PDX1: variants seen among roughly 807,000 people sequenced by gnomAD.
PDX1 encodes pancreas/duodenum homeobox protein 1.
In PDX1, 7 loss-of-function variants were observed where a neutral mutation model predicts 11.1. The observed-to-expected ratio is 0.63, with a 90% CI of 0.36 to 1.19. PDX1 has a LOEUF of 1.19. PDX1 is among the 50% of genes most tolerant of loss of function. The pLI is 0.02. For missense variants in PDX1, 449 were observed against 412.1 expected, an observed-to-expected ratio of 1.09 and a Z score of -0.78; for synonymous variants, 232 against 196.2, an observed-to-expected ratio of 1.18 and a Z score of -1.53.
chr13:27,921,672 G>A (rs1262556756), intron 1 of PDX1, among the ~76,000 whole-genome samples: 2 of 152,216 alleles, frequency 1.3e-5, no homozygotes, highest in Non-Finnish European at 2.9e-5. Flanking sequence ...CTGACCCCAG[G>A]CGCAGCCAGG....
In PDX1 at chr13:27,924,104, A is replaced by T; in HGVS notation, c.407-152A>T. 4.8e-6 allele frequency: 3 copies of T among 626,542 alleles called. No individual in the cohort carries two copies. Among genetic ancestry groups the T allele is most frequent in the South Asian group, 2.3e-5 (1 of 44,006 alleles). The allele number at this position is 626,542 out of a possible 1,614,324, so 38.8% of individuals were successfully genotyped here. ...GGGAAGAGCTTCGCGCGCCTACACT[A>T]GGCGCTGAAATGGGATGCTGGGGCT... On this transcript the variant is annotated intron_variant, in intron 1 of 1. Transcript: ENST00000381033. The surrounding 1 kb of genome is among the most constrained non-coding windows in gnomAD (Gnocchi z 4.8).
chr13:27,923,046 C>A (rs897102104), intron 1 of PDX1, among the ~76,000 whole-genome samples: 1 of 152,226 alleles, frequency 6.6e-6, no homozygotes. Context: ...CACACACACT[C>A]GCCTTTCAAT....
At position 27,924,515 on chromosome 13, in the gene PDX1, G is replaced by A; in HGVS notation, c.666G>A (p.Glu222=). The A allele has an allele frequency of 2.5e-6, 4 of 1,609,258 alleles. No homozygotes were observed. The highest frequency in any genetic ancestry group is 3.4e-6 in the Non-Finnish European group (4 of 1,178,594). The change falls in exon 2 of 2, where the codon GAG becomes GAA. Residue 222 remains glutamate (E), a synonymous_variant. Coordinates refer to ENST00000381033, the MANE Select transcript of PDX1 (RefSeq NM_000209.4). The surrounding 1 kb of genome is among the most constrained non-coding windows in gnomAD (Gnocchi z 4.8). Reference sequence around the variant, plus strand: ...CTGTCGGGGGTGGCGGGGTCGCGGAGCCTGAGCAGGACTGCGCCGTGACCT... The same window carrying A: ...CTGTCGGGGGTGGCGGGGTCGCGGAACCTGAGCAGGACTGCGCCGTGACCT... ...GTAVGGGGVA[E]PEQDCAVTSG...
At chr13:27,920,663 A>G (rs1394718606) in intron 1 of PDX1, 119 bp downstream of exon 1, 14 of 1,044,382 alleles carry the variant, frequency 1.3e-5, no homozygotes, top group Non-Finnish European at 2.1e-5. Context: ...GGGTCGGACT[A>G]AACTACATCA....
chr13:27,925,329 CT>C lies in PDX1; in HGVS notation c.*631del. 1 of 149,074 alleles carries C rather than the reference CT, an allele frequency of 6.7e-6. No individual in the cohort carries two copies. The highest frequency in any genetic ancestry group is 1.4e-5 in the Non-Finnish European group (1 of 71,608). 9.2% of individuals were successfully genotyped at this position (149,074 alleles called of 1,614,324 possible). On this transcript the variant is annotated 3_prime_UTR_variant, in exon 2 of 2. Coordinates refer to ENST00000381033, the MANE Select transcript of PDX1 (RefSeq NM_000209.4). ...TCCTCTTCCTCTTCCTCCTGCTCTC[CT>C]TTCCTCCCCCTCCTCTTTTCCCTCC... is the stretch of plus-strand genomic sequence containing the variant.
chr13:27,924,275 G>A lies in PDX1; in HGVS notation c.426G>A (p.Glu142=). ...CCGCAGGCGGCGCCTACGCTGCGGA[G>A]CCGGAGGAGAACAAGCGGACGCGCA... ...GQWAGGAYAA[E]PEENKRTRTA... Residue 142 remains glutamate, a synonymous_variant, in exon 2 of 2, where the codon GAG becomes GAA. Transcript: ENST00000381033. This position sits in a 1 kb window ranked among gnomAD's most constrained non-coding sequence, Gnocchi z 4.8. The A allele has an allele frequency of 6.2e-7, 1 of 1,606,904 alleles. No individual in the cohort carries two copies. The highest frequency in any genetic ancestry group is 8.5e-7 in the Non-Finnish European group (1 of 1,176,682).
At position 27,921,210 on chromosome 13, in the gene PDX1, G is replaced by A. The variant is rs375093168; in HGVS notation, c.406+666G>A. On this transcript the variant is annotated intron_variant, in intron 1 of 1. Transcript: ENST00000381033. ...CTCAACGTCAGAGCCTGGCAGCTAG[G>A]AGAGCAATCTGAGAAGCGAATTCGT... Among the ~76,000 whole-genome samples, 17 of 152,380 alleles carry A rather than the reference G, an allele frequency of 1.1e-4. No individual in the cohort carries two copies. In the East Asian group the frequency reaches 2.7e-3, roughly 24 times the overall value.
intron 1 of PDX1, among the ~76,000 whole-genome samples, chr13:27,923,851 G>T (rs1002205898): frequency 6.6e-6 from 1 of 152,010 alleles, no homozygotes; most frequent in African/African-American, 2.4e-5. Flanking sequence ...CCATCAGGAG[G>T]TTTTTTTTAG....
chr13:27,924,705 G>A lies in PDX1; in HGVS notation c.*4G>A. 1.0e-5 allele frequency: 15 copies of A among 1,470,680 alleles called. No individual in the cohort carries two copies. Among genetic ancestry groups the A allele is most frequent in the African/African-American group, 1.5e-5 (1 of 68,676 alleles). The allele number at this position is 1,470,680 out of a possible 1,614,324, so 91.1% of individuals were successfully genotyped here. A position where few individuals can be genotyped will look rare whatever the true frequency, so the allele number is the denominator to read the frequency against. On this transcript the variant is annotated 3_prime_UTR_variant, in exon 2 of 2. Coordinates refer to ENST00000381033, the MANE Select transcript of PDX1 (RefSeq NM_000209.4). This position sits in a 1 kb window ranked among gnomAD's most constrained non-coding sequence, Gnocchi z 4.8. ...GCGGCCGCAGGAACCACGATGAGAGGCAGGAGCTGCTCCTGGCTGAGGGGC... is the reference window on the plus strand; with the variant it reads ...GCGGCCGCAGGAACCACGATGAGAGACAGGAGCTGCTCCTGGCTGAGGGGC...
In PDX1 at chr13:27,925,599, T is replaced by G; in HGVS notation, c.*898T>G. The G allele has an allele frequency of 5.1e-6, 1 of 194,184 alleles. No individual in the cohort carries two copies. The highest frequency in any genetic ancestry group is 8.4e-5 in the South Asian group (1 of 11,910). The allele number at this position is 194,184 out of a possible 1,614,324, so 12.0% of individuals were successfully genotyped here. ...CCCTCCTCTTCCTCCTCCTCTTTCTTCCTGACCTCTTTCTTTCTCCTCCTC... is the reference window on the plus strand; with the variant it reads ...CCCTCCTCTTCCTCCTCCTCTTTCTGCCTGACCTCTTTCTTTCTCCTCCTC... On this transcript the variant is annotated 3_prime_UTR_variant, in exon 2 of 2. Transcript: ENST00000381033.
Position 27,924,683 on chromosome 13 carries a change from G to C in PDX1, c.834G>C (p.Arg278=). ...SPQPSSVAPR[R]PQEPR is the part of the protein sequence containing the mutation. The stretch of plus-strand genomic sequence containing the variant: ...AGCCCTCCAGCGTCGCGCCTCGGCG[G>C]CCGCAGGAACCACGATGAGAGGCAG... Residue 278 remains arginine (R), a synonymous_variant, in exon 2 of 2, where the codon CGG becomes CGC. Transcript: ENST00000381033. The surrounding 1 kb of genome is among the most constrained non-coding windows in gnomAD (Gnocchi z 4.8). 6.8e-7 allele frequency: 1 copy of C among 1,468,882 alleles called. No homozygotes were observed. The highest frequency in any genetic ancestry group is 1.3e-5 in the South Asian group (1 of 75,328). 91.0% of individuals were successfully genotyped at this position (1,468,882 alleles called of 1,614,324 possible). A position where few individuals can be genotyped will look rare whatever the true frequency, so the allele number is the denominator to read the frequency against.
chr13:27,924,812 G>C lies in PDX1; in HGVS notation c.*111G>C. The C allele has an allele frequency of 1.1e-6, 1 of 887,708 alleles. No individual in the cohort carries two copies. Among genetic ancestry groups the C allele is most frequent in the Non-Finnish European group, 1.5e-6 (1 of 656,222 alleles). 55.0% of individuals were successfully genotyped at this position (887,708 alleles called of 1,614,324 possible). A position where few individuals can be genotyped will look rare whatever the true frequency, so the allele number is the denominator to read the frequency against. ...CCCGCCCTGGCAGTTGAATGGGGCG[G>C]CAATTGCGGGGCCCACCTTAGACCG... On this transcript the variant is annotated 3_prime_UTR_variant, in exon 2 of 2. Coordinates refer to ENST00000381033, the MANE Select transcript of PDX1 (RefSeq NM_000209.4). This position sits in a 1 kb window ranked among gnomAD's most constrained non-coding sequence, Gnocchi z 4.8.
chr13:27,925,641 TTC>T lies in PDX1; in HGVS notation c.*943_*944del. 5.1e-6 allele frequency: 1 copy of T among 194,578 alleles called. No individual in the cohort carries two copies. The highest frequency in any genetic ancestry group is 1.1e-5 in the Non-Finnish European group (1 of 93,986). 12.1% of individuals were successfully genotyped at this position (194,578 alleles called of 1,614,324 possible). On this transcript the variant is annotated 3_prime_UTR_variant, in exon 2 of 2. Coordinates refer to ENST00000381033, the MANE Select transcript of PDX1 (RefSeq NM_000209.4). The stretch of plus-strand genomic sequence containing the variant: ...CTCCTCCTCCTCCTTCTACCTCCCC[TTC>T]TCATCCCTCCTCTTCCTCTTCTCTA...
Position 27,920,321 on chromosome 13 carries a change from C to G in PDX1, c.183C>G (p.Ser61Arg). The part of the protein sequence containing the change: ...PGALGALEQG[S>R]PPDISPYEVP... Reference sequence around the variant, plus strand: ...CCCTGGGCGCGCTGGAGCAGGGCAGCCCCCCGGACATCTCCCCGTACGAGG... The same window carrying G: ...CCCTGGGCGCGCTGGAGCAGGGCAGGCCCCCGGACATCTCCCCGTACGAGG... Residue 61 changes from serine (S) to arginine (R), a missense_variant, in exon 1 of 2, where the codon AGC becomes AGG. Transcript: ENST00000381033. The G allele has an allele frequency of 2.6e-6, 4 of 1,540,812 alleles. No homozygotes were observed. The South Asian group carries it at 4.8e-5, about 19-fold the overall frequency.
At chr13:27,922,988 G>A (rs923554618) in intron 1 of PDX1, among the ~76,000 whole-genome samples, 2 of 152,096 alleles carry the variant, frequency 1.3e-5, no homozygotes, top group African/African-American at 4.8e-5. Context: ...CTCGACCTGG[G>A]GGGAAACCCA....
chr13:27,920,105 C>T lies in PDX1; in HGVS notation c.-34C>T, dbSNP rs1957770497. Reference sequence around the variant, plus strand: ...AGCTCCCGACTCCCGGCTCCCGGCTCCCGGCTCCCGGTGCCCAATCCCGGG... The same window carrying T: ...AGCTCCCGACTCCCGGCTCCCGGCTTCCGGCTCCCGGTGCCCAATCCCGGG... On this transcript the variant is annotated 5_prime_UTR_variant, in exon 1 of 2. Transcript: ENST00000381033. 36 of 1,548,868 alleles carry T rather than the reference C, an allele frequency of 2.3e-5. No homozygotes were observed. The highest frequency in any genetic ancestry group is 3.0e-5 in the Non-Finnish European group (34 of 1,146,430).
In PDX1 at chr13:27,920,288, C is replaced by T. The variant is rs886453557; in HGVS notation, c.150C>T (p.Phe50=). Residue 50 remains phenylalanine (F), a synonymous_variant, in exon 1 of 2, where the codon TTC becomes TTT. Transcript: ENST00000381033. ...CCCCGCCGCCGCCGCCGCACCCGTT[C>T]CCTGGCGCCCTGGGCGCGCTGGAGC... ...RQPPPPPPHP[F]PGALGALEQG... 1.3e-6 allele frequency: 2 copies of T among 1,538,900 alleles called. No individual in the cohort carries two copies. Among genetic ancestry groups the T allele is most frequent in the South Asian group, 1.2e-5 (1 of 82,824 alleles).
rs1957773725 is a variant in PDX1, at chr13:27,920,317, G to A, written c.179G>A (p.Gly60Asp). The stretch of plus-strand genomic sequence containing the variant: ...GGCGCCCTGGGCGCGCTGGAGCAGG[G>A]CAGCCCCCCGGACATCTCCCCGTAC... ...FPGALGALEQ[G>D]SPPDISPYEV... is the part of the protein sequence containing the mutation. The change falls in exon 1 of 2, where the codon GGC becomes GAC. Residue 60 changes from glycine to aspartate, a missense_variant. Around this residue, in one of 3 missense-constraint regions of PDX1, gnomAD observed 263 missense variants for 212.5 expected, o/e 1.24. Transcript: ENST00000381033. 3 of 1,542,488 alleles carry A rather than the reference G, an allele frequency of 1.9e-6. No individual in the cohort carries two copies. Among genetic ancestry groups the A allele is most frequent in the Non-Finnish European group, 2.6e-6 (3 of 1,143,178 alleles).
In PDX1 at chr13:27,920,237, T is replaced by C. The variant is rs925409013; in HGVS notation, c.99T>C (p.Pro33=). ...CGCCGGAGTTCAGCGCCAGCCCCCC[T>C]GCGTGCCTGTACATGGGCCGCCAGC... is the stretch of plus-strand genomic sequence containing the variant. ...GPAPEFSASP[P]ACLYMGRQPP... is the part of the protein sequence containing the mutation. Residue 33 remains proline (P), a synonymous_variant, in exon 1 of 2, where the codon CCT becomes CCC. Transcript: ENST00000381033. 2.6e-5 allele frequency: 41 copies of C among 1,548,152 alleles called. No individual in the cohort carries two copies. Among genetic ancestry groups the C allele is most frequent in the Non-Finnish European group, 3.5e-5 (40 of 1,145,928 alleles).
Sources: gnomAD v4.1 joint callset for allele counts (sites outside exome capture counted in the v4.1 genomes callset) on GRCh38, gnomAD v4.1.1 for gene constraint, gnomAD v4.1.1 regional missense constraint, Gnocchi (gnomAD v3.1) non-coding constraint, MANE v1.5 for transcripts, NCBI Gene and HGNC (gene_info 2026-07-23, HGNC 2026-07-21) for gene names.